Variants in KIF19 observed in about 807,000 individuals in gnomAD.
The protein encoded by KIF19 is kinesin family member 19.
A neutral mutation model predicts 106.6 loss-of-function variants in KIF19; 98 were observed. The observed-to-expected ratio is 0.92, with a 90% CI of 0.78 to 1.09. KIF19 has a LOEUF of 1.09. KIF19 is among the 50% of genes least tolerant of loss of function. The pLI is 0.00. For missense variants in KIF19, 1,373 were observed against 1,414.3 expected, an observed-to-expected ratio of 0.97 and a Z score of 0.47; for synonymous variants, 516 against 584.2, an observed-to-expected ratio of 0.88 and a Z score of 1.68.
rs777983592 is a variant in KIF19 at position 74,352,266 on chromosome 17, T to C, written c.1906T>C (p.Tyr636His). ...GCGCCTGGAAGAGCTCTACGAAGTG[T>C]ACCTGCGGGAGCTGGAGGAGGGCAG... ...PQRLEELYEV[Y>H]LRELEEGSLE... Residue 636 changes from tyrosine to histidine, a missense_variant, in exon 14 of 20, where the codon TAC becomes CAC. By Grantham distance (83) the Tyr-to-His change is moderately conservative. Around this residue, in one of 3 missense-constraint regions of KIF19, gnomAD observed 1,020 missense variants for 1,008.2 expected, o/e 1.01. Transcript: ENST00000389916. The C allele has an allele frequency of 1.3e-5, 21 of 1,612,876 alleles. No homozygotes were observed. In the African/African-American group the frequency reaches 2.7e-4, roughly 20 times the overall value.
chr17:74,347,302 C>T (rs1418541528), intron 8 of KIF19, among the ~76,000 whole-genome samples: 6 of 152,148 alleles, frequency 3.9e-5, no homozygotes, highest in African/African-American at 7.2e-5. Flanking sequence ...TTTGGGAGGC[C>T]GAGGCAGGTG....
intron 2 of KIF19, among the ~76,000 whole-genome samples, chr17:74,330,079 A>C (rs550000067): frequency 8.1e-4 from 123 of 152,352 alleles, no homozygotes; most frequent in Non-Finnish European, 5.9e-5. Flanking sequence ...GGGTAGCAGC[A>C]TCCTCATTTC....
At position 74,355,322 on chromosome 17, in the gene KIF19, C is replaced by T. The variant is rs769054875; in HGVS notation, c.*10C>T. 3.1e-6 allele frequency: 5 copies of T among 1,599,348 alleles called. No individual in the cohort carries two copies. Among genetic ancestry groups the T allele is most frequent in the Non-Finnish European group, 3.4e-6 (4 of 1,174,494 alleles). On this transcript the variant is annotated 3_prime_UTR_variant, in exon 20 of 20. Transcript: ENST00000389916. ...CTCCCGGCATAACTGAGGGGCCCTG[C>T]CTGGAACTGGCTCTCTCACCTCCCA...
intron 2 of KIF19, among the ~76,000 whole-genome samples, chr17:74,332,210 T>TGTTTGTGTGTG (rs1567897631): frequency 3.7e-5 from 4 of 108,846 alleles, no homozygotes; most frequent in South Asian, 3.3e-4. Context: ...GTGTGTGTGT[T>TGTTTGTGTGTG]TGTGTGTGTG....
chr17:74,330,881 A>G (rs2054058635), intron 2 of KIF19, among the ~76,000 whole-genome samples: 1 of 152,116 alleles, frequency 6.6e-6, no homozygotes, highest in Non-Finnish European at 1.5e-5. Context: ...CTCTCCATGC[A>G]AACTCCCTGT....
chr17:74,341,848 C>G, intron 2 of KIF19, 28 bp from the exon 3 acceptor site: 1 of 1,555,000 alleles, frequency 6.4e-7, no homozygotes, highest in African/African-American at 1.4e-5. Context: ...CCCAGGTGAC[C>G]GTGGGCCTCC....
At chr17:74,343,276 C>T (rs2054435575) in intron 5 of KIF19, 116 bp downstream of exon 5, 3 of 1,057,522 alleles carry the variant, frequency 2.8e-6, no homozygotes, top group Admixed American at 2.4e-5. Flanking sequence ...CTGTGAGCTC[C>T]ACTTTACAAA....
At chr17:74,342,080 C>A in intron 3 of KIF19, 94 bp downstream of exon 3, 1 of 868,428 alleles carries the variant, frequency 1.2e-6, no homozygotes, top group Non-Finnish European at 1.9e-6. Flanking sequence ...GCCTTTGAAC[C>A]TCAGCCTCCA....
chr17:74,355,069 T>C (rs1165526971), intron 19 of KIF19, 113 bp from the exon 20 acceptor site: 12 of 1,541,070 alleles, frequency 7.8e-6, no homozygotes, highest in Non-Finnish European at 1.1e-5. Context: ...AGAATACTCA[T>C]GGGACTGGCA....
In KIF19 at chr17:74,344,474, C is replaced by A. The variant is rs377289695; in HGVS notation, c.582+126C>A. Reference sequence around the variant, plus strand: ...CTGAGGCTGGGACAGACAGGAGAATCCTGAGTGGCAGCAAGGAGGGGACTC... The same window carrying A: ...CTGAGGCTGGGACAGACAGGAGAATACTGAGTGGCAGCAAGGAGGGGACTC... On this transcript the variant is annotated intron_variant, in intron 6 of 19. Transcript: ENST00000389916. 6.9e-5 allele frequency: 98 copies of A among 1,415,260 alleles called. No individual in the cohort carries two copies. In the African/African-American group the frequency reaches 1.3e-3, roughly 19 times the overall value. The allele number at this position is 1,415,260 out of a possible 1,614,324, so 87.7% of individuals were successfully genotyped here.
chr17:74,333,200 G>C (rs899478821), intron 2 of KIF19, among the ~76,000 whole-genome samples: 3 of 151,934 alleles, frequency 2.0e-5, no homozygotes, highest in Non-Finnish European at 2.9e-5. Context: ...GGTGGAGAGT[G>C]GCTAGGGGAG....
Position 74,355,604 on chromosome 17 carries a change from C to A in KIF19, c.*292C>A. ...AAAACCTGCACAGCCCTGAGGCCAGCCTCGGCCTTGGTAACGGAGGAAAGC... is the reference window on the plus strand; with the variant it reads ...AAAACCTGCACAGCCCTGAGGCCAGACTCGGCCTTGGTAACGGAGGAAAGC... On this transcript the variant is annotated 3_prime_UTR_variant, in exon 20 of 20. Coordinates refer to ENST00000389916, the MANE Select transcript of KIF19 (RefSeq NM_153209.4). 1 of 295,336 alleles carries A rather than the reference C, an allele frequency of 3.4e-6. No homozygotes were observed. The highest frequency in any genetic ancestry group is 6.0e-6 in the Non-Finnish European group (1 of 166,112). 18.3% of individuals were successfully genotyped at this position (295,336 alleles called of 1,614,324 possible). A position where few individuals can be genotyped will look rare whatever the true frequency, so the allele number is the denominator to read the frequency against.
In KIF19 at chr17:74,351,453, G is replaced by A. The variant is rs140339286; in HGVS notation, c.1588-414G>A. ...TGCAGGGAGCCGGGATAGCGCCACCGCACTCCAGCCTGGGTGACAGAGAGA... is the reference window on the plus strand; with the variant it reads ...TGCAGGGAGCCGGGATAGCGCCACCACACTCCAGCCTGGGTGACAGAGAGA... On this transcript the variant is annotated intron_variant, in intron 12 of 19. Coordinates refer to ENST00000389916, the MANE Select transcript of KIF19 (RefSeq NM_153209.4). The A allele has an allele frequency of 5.6e-3, 930 of 166,876 alleles. 13 individuals are homozygous for A. Among genetic ancestry groups the A allele is most frequent in the African/African-American group, 0.019 (812 of 41,872 alleles). 10.3% of individuals were successfully genotyped at this position (166,876 alleles called of 1,614,324 possible). A position where few individuals can be genotyped will look rare whatever the true frequency, so the allele number is the denominator to read the frequency against.
At chr17:74,354,978 C>G in intron 19 of KIF19, 37 bp downstream of exon 19, 1 of 1,569,578 alleles carries the variant, frequency 6.4e-7, no homozygotes, top group Middle Eastern at 1.7e-4. Context: ...GAGGGGAGGC[C>G]TCCACCAGGC....
Position 74,344,296 on chromosome 17 carries a change from G to T in KIF19, c.530G>T (p.Gly177Val). 6.2e-7 allele frequency: 1 copy of T among 1,613,056 alleles called. No individual in the cohort carries two copies. The highest frequency in any genetic ancestry group is 1.1e-5 in the South Asian group (1 of 91,068). Residue 177 changes from glycine to valine, a missense_variant, in exon 6 of 20, where the codon GGG becomes GTG. This residue lies in a region of KIF19 where 348 missense variants were observed against 389.5 expected (regional missense o/e 0.89). Transcript: ENST00000389916. ...CTGGAGCTGCGGGAGGACTCTAAGG[G>T]GGTGATCCAGGTGGCCGGCATCACC... ...GYLELREDSK[G>V]VIQVAGITEV...
chr17:74,354,610 G>T, intron 18 of KIF19, 51 bp downstream of exon 18: 1 of 1,552,118 alleles, frequency 6.4e-7, no homozygotes, highest in Non-Finnish European at 8.7e-7. Context: ...AGCAGCTGGA[G>T]GCCTGAGGGC....
In KIF19 at chr17:74,344,796, G is replaced by A; in HGVS notation, c.618G>A (p.Arg206=). Residue 206 remains arginine (R), a synonymous_variant, in exon 7 of 20, where the codon AGG becomes AGA. Transcript: ENST00000389916. ...MQLLMKGNRQ[R]TQEPTAANQT... ...TGCTGATGAAGGGGAACCGGCAGAG[G>A]ACCCAGGAGCCCACGGCCGCCAACC... 1.9e-6 allele frequency: 3 copies of A among 1,611,070 alleles called. No individual in the cohort carries two copies. Among genetic ancestry groups the A allele is most frequent in the Non-Finnish European group, 1.7e-6 (2 of 1,178,450 alleles).
intron 18 of KIF19, 65 bp downstream of exon 18, chr17:74,354,624 AT>A: frequency 6.5e-7 from 1 of 1,545,278 alleles, no homozygotes; most frequent in Non-Finnish European, 8.7e-7. Context: ...TGAGGGCTGG[AT>A]TTCTCCAAAG....
chr17:74,353,107 C>G, intron 15 of KIF19, 89 bp from the exon 16 acceptor site: 2 of 1,403,366 alleles, frequency 1.4e-6, no homozygotes, highest in South Asian at 1.2e-5. Context: ...TCTCTCCTTT[C>G]ACACCAACAG....
Sources: gnomAD v4.1 joint callset for allele counts (sites outside exome capture counted in the v4.1 genomes callset) on GRCh38, gnomAD v4.1.1 for gene constraint, gnomAD v4.1.1 regional missense constraint, MANE v1.5 for transcripts, NCBI Gene and HGNC (gene_info 2026-07-23, HGNC 2026-07-21) for gene names.